WWOX: variants seen among roughly 807,000 people sequenced by gnomAD.
WWOX encodes WW domain containing oxidoreductase.
WWOX carries 69 observed loss-of-function variants against 46.2 expected under a neutral mutation model. The ratio of observed to expected loss-of-function variants is 1.49; its 90% CI spans 1.23 to 1.82. The LOEUF (loss-of-function observed/expected upper bound fraction) is 1.82. WWOX is among the 40% of genes most tolerant of loss of function. WWOX has a pLI of 0.00. For missense variants in WWOX, 919 were observed against 542.6 expected (o/e 1.69, Z -6.89); for synonymous variants, 359 against 202.6 (o/e 1.77, Z -6.56).
chr16:78,389,682 G>C (rs2082138147), intron 6 of WWOX, among the ~76,000 whole-genome samples: 1 of 152,206 alleles, frequency 6.6e-6, no homozygotes, highest in South Asian at 2.1e-4. Flanking sequence ...AATGTGGGTA[G>C]AGGGGCCGAT....
chr16:78,373,227 T>C (rs990762714), intron 5 of WWOX, among the ~76,000 whole-genome samples: 10 of 152,212 alleles, frequency 6.6e-5, no homozygotes, highest in African/African-American at 1.9e-4. Flanking sequence ...TTATGAGTTA[T>C]GGCAGAGCAC....
At chr16:78,519,678 C>T (rs1205398222) in intron 8 of WWOX, among the ~76,000 whole-genome samples, 1 of 151,950 alleles carries the variant, frequency 6.6e-6, no homozygotes, top group East Asian at 1.9e-4. Flanking sequence ...GGGTACTAAT[C>T]CCCATGAATG....
intron 8 of WWOX, among the ~76,000 whole-genome samples, chr16:78,989,246 G>C (rs565733260): frequency 1.4e-4 from 21 of 152,184 alleles, no homozygotes; most frequent in African/African-American, 5.1e-4. Flanking sequence ...TCTTCGGGTG[G>C]TTCTAAGAAT....
At chr16:78,880,396 A>T (rs910649052) in intron 8 of WWOX, among the ~76,000 whole-genome samples, 1 of 152,232 alleles carries the variant, frequency 6.6e-6, no homozygotes, top group Non-Finnish European at 1.5e-5. Flanking sequence ...CCCTCCGGGA[A>T]TTATGCGATT....
chr16:78,796,444 A>G (rs1474914733), intron 8 of WWOX, among the ~76,000 whole-genome samples: 1 of 152,254 alleles, frequency 6.6e-6, no homozygotes, highest in African/African-American at 2.4e-5. Flanking sequence ...GCCAGAATTC[A>G]GTCACATGAT....
chr16:78,464,394 A>G (rs1045215328), intron 8 of WWOX, among the ~76,000 whole-genome samples: 3 of 152,072 alleles, frequency 2.0e-5, no homozygotes, highest in Non-Finnish European at 4.4e-5. Flanking sequence ...AGGCAGGGAG[A>G]TAATGGAGAT....
chr16:78,380,083 A>G (rs1419719446), intron 5 of WWOX, among the ~76,000 whole-genome samples: 1 of 152,174 alleles, frequency 6.6e-6, no homozygotes, highest in Non-Finnish European at 1.5e-5. Context: ...GCTACCAATG[A>G]GTGCCCCTGT....
chr16:78,266,283 CT>C (rs1308766397), intron 5 of WWOX, among the ~76,000 whole-genome samples: 1 of 152,152 alleles, frequency 6.6e-6, no homozygotes, highest in African/African-American at 2.4e-5. Context: ...ATTTTAAAAA[CT>C]TTTATTGAAA....
chr16:78,857,355 A>G (rs1193460276), intron 8 of WWOX, among the ~76,000 whole-genome samples: 1 of 152,238 alleles, frequency 6.6e-6, no homozygotes, highest in Non-Finnish European at 1.5e-5. Flanking sequence ...GAAGGCAGAT[A>G]ACTTCCATGT....
chr16:79,007,866 C>T (rs2047220733), intron 8 of WWOX, among the ~76,000 whole-genome samples: 1 of 152,170 alleles, frequency 6.6e-6, no homozygotes, highest in Non-Finnish European at 1.5e-5. Context: ...GTGTCACAAG[C>T]CCTTTACAAA....
intron 8 of WWOX, among the ~76,000 whole-genome samples, chr16:79,164,859 A>T (rs1021422271): frequency 6.6e-6 from 1 of 152,114 alleles, no homozygotes; most frequent in Admixed American, 6.5e-5. Context: ...GACTCATAAA[A>T]CCTACAAATA....
At chr16:78,803,737 G>C (rs1446756455) in intron 8 of WWOX, among the ~76,000 whole-genome samples, 1 of 152,162 alleles carries the variant, frequency 6.6e-6, no homozygotes, top group Admixed American at 6.5e-5. Context: ...GGCATTTTAG[G>C]CATGACCCAT....
chr16:79,090,103 A>G (rs1477277416), intron 8 of WWOX: 1 of 152,086 alleles, frequency 6.6e-6, no homozygotes, highest in East Asian at 1.9e-4. Context: ...TGTGTGGAAA[A>G]AAGGGGCTTT....
intron 6 of WWOX, among the ~76,000 whole-genome samples, chr16:78,406,749 C>T (rs2082557800): frequency 6.6e-6 from 1 of 151,898 alleles, no homozygotes; most frequent in Non-Finnish European, 1.5e-5. Context: ...GCCTCAGCCT[C>T]CCCAGTAGCT....
intron 4 of WWOX, among the ~76,000 whole-genome samples, chr16:78,149,448 G>C (rs540140810): frequency 9.2e-5 from 14 of 152,332 alleles, no homozygotes; most frequent in African/African-American, 3.1e-4. Context: ...GCCCCAAGAT[G>C]AAATATCAAG....
intron 8 of WWOX, among the ~76,000 whole-genome samples, chr16:79,116,690 C>T (rs924971186): frequency 1.3e-5 from 2 of 151,992 alleles, no homozygotes; most frequent in African/African-American, 4.8e-5. Flanking sequence ...ACTTTTGAAC[C>T]CCTCAGAGTC....
At chr16:78,985,862 GC>G (rs2046774714) in intron 8 of WWOX, among the ~76,000 whole-genome samples, 1 of 152,248 alleles carries the variant, frequency 6.6e-6, no homozygotes, top group South Asian at 2.1e-4. Flanking sequence ...TGCAGCTCAT[GC>G]CTGCATTCCA....
chr16:78,743,489 G>C (rs77330606), intron 8 of WWOX, among the ~76,000 whole-genome samples: 1 of 54,864 alleles, frequency 1.8e-5, no homozygotes, highest in Non-Finnish European at 8.8e-5. Flanking sequence ...AGTGAGGCAG[G>C]AGAACAGGAT....
chr16:78,758,273 C>T (rs367647774), intron 8 of WWOX, among the ~76,000 whole-genome samples: 3 of 152,160 alleles, frequency 2.0e-5, no homozygotes, highest in Non-Finnish European at 4.4e-5. Flanking sequence ...AGAGAATACT[C>T]TAAGCCCAAT....
Sources: allele counts gnomAD v4.1 joint callset (sites outside exome capture counted in the v4.1 genomes callset), GRCh38; gene constraint gnomAD v4.1.1; transcripts MANE v1.5; gene names NCBI Gene and HGNC (gene_info 2026-07-23, HGNC 2026-07-21).